Variants in RERE observed in about 807,000 individuals in gnomAD.
RERE encodes arginine-glutamic acid dipeptide repeats, also known as arginine-glutamic acid dipeptide repeats protein.
Under a neutral mutation model 146.1 loss-of-function variants are expected in RERE, and 40 were observed. The ratio of observed to expected loss-of-function variants is 0.27; its 90% CI spans 0.21 to 0.36. The LOEUF (loss-of-function observed/expected upper bound fraction) is 0.36, where lower values mean the gene tolerates loss of function less well. Among genes scored for constraint, RERE ranks in the 10% least tolerant of loss-of-function variants. The pLI is 1.00. For missense variants in RERE, 1,933 were observed against 2,138.7 expected (o/e 0.90, Z 1.90); for synonymous variants, 1,003 against 866.0 (o/e 1.16, Z -2.78).
chr1:8,681,170 G>A (rs1638957183), intron 1 of RERE, among the ~76,000 whole-genome samples: 1 of 152,160 alleles, frequency 6.6e-6, no homozygotes. Flanking sequence ...GGGGGCAGGA[G>A]AGAAACGGCC....
At chr1:8,662,406 G>T (rs766414764) in intron 1 of RERE, among the ~76,000 whole-genome samples, 1 of 152,160 alleles carries the variant, frequency 6.6e-6, no homozygotes, top group Non-Finnish European at 1.5e-5. Context: ...TGGATACAGC[G>T]GCTCATGCCT....
intron 3 of RERE, among the ~76,000 whole-genome samples, chr1:8,616,993 G>A (rs999173069): frequency 5.9e-5 from 9 of 152,256 alleles, no homozygotes; most frequent in African/African-American, 9.6e-5. Context: ...TAATTGTGGC[G>A]GGAGGGGAGT....
At chr1:8,358,081 G>A (rs200735697) in intron 20 of RERE, 115 bp downstream of exon 20, 3 of 1,478,530 alleles carry the variant, frequency 2.0e-6, no homozygotes, top group East Asian at 2.3e-5. Flanking sequence ...ATCTGCCAGG[G>A]ATGAGGGATC....
intron 2 of RERE, among the ~76,000 whole-genome samples, chr1:8,625,461 C>T (rs1812457): frequency 0.84 from 128,206 of 152,158 alleles, 54,299 homozygotes; most frequent in East Asian, 0.94. Context: ...ATAGTGACCA[C>T]AATGCCTCAT....
At chr1:8,475,100 G>A (rs1249876861) in intron 10 of RERE, among the ~76,000 whole-genome samples, 1 of 152,204 alleles carries the variant, frequency 6.6e-6, no homozygotes. Context: ...TTAGCCACGT[G>A]CAGTGGCTTA....
At chr1:8,803,427 GCCACT>G (rs1398165933) in intron 1 of RERE, among the ~76,000 whole-genome samples, 5 of 152,014 alleles carry the variant, frequency 3.3e-5, no homozygotes, top group Non-Finnish European at 1.5e-5. Context: ...CCAAGATTGT[GCCACT>G]GCACTCCAGC....
chr1:8,750,420 C>T (rs1325029681), intron 1 of RERE: 9 of 769,616 alleles, frequency 1.2e-5, no homozygotes, highest in South Asian at 5.8e-5. Context: ...CCTCTTTTTC[C>T]GGCTGGAACC....
At chr1:8,538,985 T>A (rs774416006) in intron 7 of RERE, among the ~76,000 whole-genome samples, 4 of 152,348 alleles carry the variant, frequency 2.6e-5, no homozygotes, top group Non-Finnish European at 4.4e-5. Context: ...GTAAGTTACA[T>A]ATTACTTTTA....
chr1:8,604,615 AGGG>A (rs1557428996), intron 4 of RERE, among the ~76,000 whole-genome samples: 23 of 89,692 alleles, frequency 2.6e-4, no homozygotes, highest in Admixed American at 5.3e-4. Flanking sequence ...GGAGGGAGGG[AGGG>A]AGGGAGGAAG....
rs866918582 is a variant in RERE at position 8,501,035 on chromosome 1, G to T, written c.880-3506C>A. ...CCGGCAGCCACCCCGTCCGGGAGGG[G>T]GGGGGGGGGTCAGCCCCCCGCCCGG... On this transcript the variant is annotated intron_variant, in intron 8 of 22. Transcript: ENST00000400908. Among the ~76,000 whole-genome samples the T allele has an allele frequency of 2.3e-4, 28 of 122,546 alleles. 4 individuals are homozygous for T. The highest frequency in any genetic ancestry group is 1.9e-3 in the Admixed American group (25 of 13,306). 80.4% of individuals were successfully genotyped at this position (122,546 alleles called of 152,430 possible). A position where few individuals can be genotyped will look rare whatever the true frequency, so the allele number is the denominator to read the frequency against.
intron 4 of RERE, among the ~76,000 whole-genome samples, chr1:8,589,278 A>G (rs897940953): frequency 1.3e-5 from 2 of 152,066 alleles, no homozygotes; most frequent in Non-Finnish European, 2.9e-5. Flanking sequence ...GGTCTCTACT[A>G]AAAATAAAAA....
chr1:8,686,254 A>T (rs1639084214), intron 1 of RERE, among the ~76,000 whole-genome samples: 1 of 152,160 alleles, frequency 6.6e-6, no homozygotes, highest in Admixed American at 6.5e-5. Context: ...CGGTGCTAGG[A>T]TTACAGGTGT....
intron 12 of RERE, among the ~76,000 whole-genome samples, chr1:8,402,427 C>A (rs1182168677): frequency 6.6e-6 from 1 of 152,184 alleles, no homozygotes; most frequent in Non-Finnish European, 1.5e-5. Context: ...AGATAAGACA[C>A]CCTTACTGCC....
chr1:8,762,756 A>G (rs1325531602), intron 1 of RERE, among the ~76,000 whole-genome samples: 1 of 152,082 alleles, frequency 6.6e-6, no homozygotes, highest in Non-Finnish European at 1.5e-5. Flanking sequence ...TATTTCTCCA[A>G]TACTTCTTCT....
chr1:8,369,605 C>T (rs900522939), intron 12 of RERE, among the ~76,000 whole-genome samples: 11 of 148,300 alleles, frequency 7.4e-5, no homozygotes, highest in East Asian at 5.9e-4. Context: ...GTGGTAAGAA[C>T]GGTAAACTTA....
intron 12 of RERE, among the ~76,000 whole-genome samples, chr1:8,394,185 G>A (rs1434426478): frequency 2.0e-5 from 3 of 152,198 alleles, no homozygotes; most frequent in Non-Finnish European, 2.9e-5. Flanking sequence ...AACTGCACAG[G>A]TAGGACAGAG....
intron 1 of RERE, among the ~76,000 whole-genome samples, chr1:8,680,911 T>C (rs1468261027): frequency 1.3e-5 from 2 of 152,142 alleles, no homozygotes; most frequent in Non-Finnish European, 2.9e-5. Flanking sequence ...TTACCACTAA[T>C]ATGGGTCAAT....
At chr1:8,394,280 A>G (rs1184618166) in intron 12 of RERE, among the ~76,000 whole-genome samples, 1 of 152,218 alleles carries the variant, frequency 6.6e-6, no homozygotes, top group Admixed American at 6.5e-5. Context: ...CTTCACCAAA[A>G]TCTTGATTGG....
At chr1:8,765,148 T>C (rs561936700) in intron 1 of RERE, among the ~76,000 whole-genome samples, 1 of 152,142 alleles carries the variant, frequency 6.6e-6, no homozygotes, top group Non-Finnish European at 1.5e-5. Context: ...AGCCACACAA[T>C]GGACTATGAT....
Sources: allele counts gnomAD v4.1 joint callset (sites outside exome capture counted in the v4.1 genomes callset), GRCh38; gene constraint gnomAD v4.1.1; transcripts MANE v1.5; gene names NCBI Gene and HGNC (gene_info 2026-07-23, HGNC 2026-07-21).